NUMB: variants seen among roughly 807,000 people sequenced by gnomAD.
NUMB encodes the protein protein numb homolog.
In NUMB, 29 loss-of-function variants were observed where a neutral mutation model predicts 59.7. The observed-to-expected ratio is 0.49, with a 90% CI of 0.36 to 0.66. The LOEUF is 0.66. NUMB is among the 30% of genes least tolerant of loss of function. The pLI is 0.00. For synonymous variants in NUMB, 288 were observed against 288.2 expected, an observed-to-expected ratio of 1.00 and a Z score of 0.01; for missense variants, 723 against 822.0, an observed-to-expected ratio of 0.88 and a Z score of 1.47.
At chr14:73,299,539 AT>A (rs1208464546) in intron 6 of NUMB, among the ~76,000 whole-genome samples, 1 of 132,756 alleles carries the variant, frequency 7.5e-6, no homozygotes, top group Non-Finnish European at 1.6e-5. Context: ...ATGTATATAT[AT>A]GTCATATATG....
chr14:73,316,359 A>T, intron 6 of NUMB, 31 bp downstream of exon 6: 1 of 1,607,128 alleles, frequency 6.2e-7, no homozygotes, highest in Non-Finnish European at 8.5e-7. Context: ...AACTCCTTAT[A>T]AAGCAAGCAT....
At chr14:73,307,473 C>T (rs922222148) in intron 6 of NUMB, among the ~76,000 whole-genome samples, 6 of 151,876 alleles carry the variant, frequency 4.0e-5, no homozygotes, top group Non-Finnish European at 7.4e-5. Flanking sequence ...GGATGATGTG[C>T]GTTCCAGACT....
Position 73,398,392 on chromosome 14 carries a change from C to CAGAG in NUMB, c.-101+11541_-101+11544dup, listed in dbSNP as rs1171734636. On this transcript the variant is annotated intron_variant, in intron 2 of 12. Coordinates refer to ENST00000555238, the MANE Select transcript of NUMB (RefSeq NM_001005743.2). ...TTTGTATATGAGAGAGAGACACACA[C>CAGAG]AGAGAGAGAGAGAGAGAGAGAGAGT... is the stretch of plus-strand genomic sequence containing the variant. Among the ~76,000 whole-genome samples the CAGAG allele has an allele frequency of 7.2e-3, 957 of 133,764 alleles. 7 individuals are homozygous for CAGAG. Among genetic ancestry groups the CAGAG allele is most frequent in the African/African-American group, 0.015 (535 of 34,862 alleles). The allele number at this position is 133,764 out of a possible 152,430, so 87.8% of individuals were successfully genotyped here.
At chr14:73,448,914 T>G (rs1246622252) in intron 1 of NUMB, among the ~76,000 whole-genome samples, 1 of 152,064 alleles carries the variant, frequency 6.6e-6, no homozygotes, top group Non-Finnish European at 1.5e-5. Flanking sequence ...TCCTTATGTA[T>G]AATGGCATAG....
chr14:73,293,987 T>A (rs1889584784), intron 7 of NUMB, among the ~76,000 whole-genome samples: 2 of 152,324 alleles, frequency 1.3e-5, no homozygotes, highest in Non-Finnish European at 2.9e-5. Context: ...CATCTTGAAG[T>A]TAGGTCTTTA....
chr14:73,320,424 G>A (rs1891342440), intron 5 of NUMB, among the ~76,000 whole-genome samples: 1 of 151,962 alleles, frequency 6.6e-6, no homozygotes, highest in Admixed American at 6.6e-5. Flanking sequence ...ATAGAGACAG[G>A]GTCTCACTAT....
chr14:73,437,022 C>T (rs918371402), intron 1 of NUMB, among the ~76,000 whole-genome samples: 5 of 149,348 alleles, frequency 3.3e-5, no homozygotes, highest in Non-Finnish European at 5.9e-5. Context: ...ATATTTGTAC[C>T]TATATATTTT....
At chr14:73,426,568 CCGG>C (rs1453582353) in intron 1 of NUMB, among the ~76,000 whole-genome samples, 1 of 152,026 alleles carries the variant, frequency 6.6e-6, no homozygotes, top group African/African-American at 2.4e-5. Context: ...TTAGCCAGGG[CCGG>C]GCGCGGTGGC....
Position 73,321,342 on chromosome 14 carries a change from ATTAT to A in NUMB, c.201+1784_201+1787del, listed in dbSNP as rs555130505. On this transcript the variant is annotated intron_variant, in intron 5 of 12. Transcript: ENST00000555238. ...CTGTTTTCAGTCATTAGTATAAAAT[ATTAT>A]TTAATGGGCAAATAACTGCATTACT... 9.9e-5 allele frequency among the ~76,000 whole-genome samples: 15 copies of A among 152,270 alleles called. No homozygotes were observed. The South Asian group carries it at 3.1e-3, about 32-fold the overall frequency.
chr14:73,278,721 CTTTTTTTTTTT>C (rs35813203), intron 12 of NUMB, among the ~76,000 whole-genome samples: 1 of 58,044 alleles, frequency 1.7e-5, no homozygotes, highest in East Asian at 6.8e-4. Context: ...GCCCTGGAAT[CTTTTTTTTTTT>C]TTTTTTTTTT....
chr14:73,309,410 T>C (rs1890643978), intron 6 of NUMB, among the ~76,000 whole-genome samples: 2 of 152,216 alleles, frequency 1.3e-5, no homozygotes. Flanking sequence ...AATGAGTTCA[T>C]GTCCTTTGTA....
At chr14:73,432,861 G>A (rs1039210920) in intron 1 of NUMB, among the ~76,000 whole-genome samples, 1 of 152,056 alleles carries the variant, frequency 6.6e-6, no homozygotes. Flanking sequence ...CCAAACTAAT[G>A]ATGAAGAATA....
intron 4 of NUMB, among the ~76,000 whole-genome samples, chr14:73,329,196 G>A (rs1891822879): frequency 6.6e-6 from 1 of 152,078 alleles, no homozygotes; most frequent in Non-Finnish European, 1.5e-5. Flanking sequence ...AGTGTCTTTA[G>A]CAAAGCAGAA....
At chr14:73,395,131 A>G (rs1896068668) in intron 2 of NUMB, among the ~76,000 whole-genome samples, 1 of 148,054 alleles carries the variant, frequency 6.8e-6, no homozygotes, top group African/African-American at 2.5e-5. Context: ...AACAGAGCTA[A>G]TACAATAATA....
intron 1 of NUMB, among the ~76,000 whole-genome samples, chr14:73,455,072 T>G (rs944946057): frequency 6.6e-6 from 1 of 152,184 alleles, no homozygotes; most frequent in African/African-American, 2.4e-5. Context: ...AGATATGCAA[T>G]GGTTATATGC....
At chr14:73,443,611 A>G (rs898723163) in intron 1 of NUMB, among the ~76,000 whole-genome samples, 1 of 151,782 alleles carries the variant, frequency 6.6e-6, no homozygotes, top group African/African-American at 2.4e-5. Context: ...AAAAAAAAAA[A>G]AGTAGAAAAA....
chr14:73,342,030 T>C (rs1036990389), intron 4 of NUMB, among the ~76,000 whole-genome samples: 9 of 152,188 alleles, frequency 5.9e-5, no homozygotes, highest in Non-Finnish European at 5.9e-5. Context: ...AAATACCTCA[T>C]TGCTCTGATG....
chr14:73,435,535 A>G (rs943480353), intron 1 of NUMB, among the ~76,000 whole-genome samples: 5 of 150,846 alleles, frequency 3.3e-5, no homozygotes, highest in African/African-American at 1.2e-4. Context: ...CAGCCTCCCA[A>G]TGTGCTGGGA....
intron 2 of NUMB, among the ~76,000 whole-genome samples, chr14:73,385,419 G>A (rs1332631011): frequency 6.7e-6 from 1 of 148,662 alleles, no homozygotes; most frequent in Non-Finnish European, 1.5e-5. Context: ...TAGAATTATA[G>A]GTGTGAGCCA....
Sources: allele counts gnomAD v4.1 joint callset (sites outside exome capture counted in the v4.1 genomes callset), GRCh38; gene constraint gnomAD v4.1.1; transcripts MANE v1.5; gene names NCBI Gene and HGNC (gene_info 2026-07-23, HGNC 2026-07-21).